The following MBD2 variants were observed in gnomAD, a reference collection of about 807,000 sequenced individuals.
MBD2 encodes the protein methyl-CpG-binding domain protein 2.
A neutral mutation model predicts 39.3 loss-of-function variants in MBD2; 9 were observed. That is an observed-to-expected ratio of 0.23 (90% confidence interval 0.14 to 0.40). The LOEUF (loss-of-function observed/expected upper bound fraction) is 0.40, where lower values mean the gene tolerates loss of function less well. Ranked by LOEUF, MBD2 falls within the 10% of genes least tolerant of loss-of-function variation. The pLI, the probability that MBD2 is intolerant of heterozygous loss-of-function variation, is 1.00. For missense variants in MBD2, 458 were observed against 532.6 expected, an observed-to-expected ratio of 0.86 and a Z score of 1.38; for synonymous variants, 233 against 211.1, an observed-to-expected ratio of 1.10 and a Z score of -0.90.
At chr18:54,206,184 T>C (rs1251602065) in intron 1 of MBD2, among the ~76,000 whole-genome samples, 1 of 152,214 alleles carries the variant, frequency 6.6e-6, no homozygotes, top group Non-Finnish European at 1.5e-5. Flanking sequence ...GGGAAGCATA[T>C]GAAGAATAAT....
chr18:54,213,596 G>A (rs2086529506), intron 1 of MBD2, among the ~76,000 whole-genome samples: 1 of 151,996 alleles, frequency 6.6e-6, no homozygotes, highest in South Asian at 2.1e-4. Flanking sequence ...TCTGAGAAAG[G>A]AAAAAAGAAA....
At chr18:54,219,130 C>T (rs2086587358) in intron 1 of MBD2, among the ~76,000 whole-genome samples, 1 of 152,180 alleles carries the variant, frequency 6.6e-6, no homozygotes, top group Admixed American at 6.5e-5. Context: ...AATTCAAATG[C>T]CGATTTCTCA....
At chr18:54,197,058 C>T (rs371653623) in intron 2 of MBD2, among the ~76,000 whole-genome samples, 41 of 152,248 alleles carry the variant, frequency 2.7e-4, no homozygotes, top group Middle Eastern at 6.8e-3. Flanking sequence ...TTTCTGTATA[C>T]GAGAAAATTA....
chr18:54,188,146 C>T (rs2086296704), intron 3 of MBD2, among the ~76,000 whole-genome samples: 1 of 151,658 alleles, frequency 6.6e-6, no homozygotes, highest in South Asian at 2.1e-4. Context: ...ACTCCCTCAC[C>T]CCAATTGCTA....
rs543659837 is a variant in MBD2, at chr18:54,156,328, T to C, written c.*13-1017A>G. ...TCTCAAGTTGGGAAGATAACATAAA[T>C]AATTTGAATCTCTCCCTACCTAACA... On this transcript the variant is annotated intron_variant, in intron 6 of 6. Transcript: ENST00000256429. 4.6e-5 allele frequency among the ~76,000 whole-genome samples: 7 copies of C among 152,324 alleles called. No homozygotes were observed. In the South Asian group the frequency reaches 8.3e-4, roughly 18 times the overall value.
Position 54,224,578 on chromosome 18 carries a change from G to T in MBD2, c.-19C>A. Reference sequence around the variant, plus strand: ...CGCGCATCCAGCCCCCTCCCCAGCCGGCGCTGCGCTTCTTCCGTAACCGAG... The same window carrying T: ...CGCGCATCCAGCCCCCTCCCCAGCCTGCGCTGCGCTTCTTCCGTAACCGAG... On this transcript the variant is annotated 5_prime_UTR_variant, in exon 1 of 7. Transcript: ENST00000256429. The T allele has an allele frequency of 8.3e-6, 10 of 1,209,546 alleles. No individual in the cohort carries two copies. Among genetic ancestry groups the T allele is most frequent in the Non-Finnish European group, 1.0e-5 (10 of 972,442 alleles). 74.9% of individuals were successfully genotyped at this position (1,209,546 alleles called of 1,614,324 possible).
At chr18:54,171,184 CT>C in intron 3 of MBD2, among the ~76,000 whole-genome samples, 1 of 151,988 alleles carries the variant, frequency 6.6e-6, no homozygotes, top group East Asian at 1.9e-4. Flanking sequence ...GGCAGATCAT[CT>C]GAGGTCAGGA....
In MBD2 at chr18:54,224,427, G is replaced by A. The variant is rs2144363704; in HGVS notation, c.133C>T (p.Pro45Ser). The change falls in exon 1 of 7, where the codon CCG (proline) becomes TCG (serine). Residue 45 changes from proline (P) to serine (S), a missense_variant. Pro to Ser is a moderately conservative substitution (Grantham distance 74, BLOSUM62 -1). Transcript: ENST00000256429. ...CCTTCCCTGCGCACGCCGCTCACCG[G>A]GGACGGGGCGAGCGCGCTGCCCTGG... is the stretch of plus-strand genomic sequence containing the variant. Reference protein sequence around the residue: ...GGQGSALAPSPVSGVRREGAR... With the variant: ...GGQGSALAPSSVSGVRREGAR... 6 of 1,242,074 alleles carry A rather than the reference G, an allele frequency of 4.8e-6. No homozygotes were observed. The highest frequency in any genetic ancestry group is 6.0e-6 in the Non-Finnish European group (6 of 996,226). 76.9% of individuals were successfully genotyped at this position (1,242,074 alleles called of 1,614,324 possible).
Position 54,164,458 on chromosome 18 carries a change from G to A in MBD2, c.1109+65C>T, listed in dbSNP as rs2086116472. ...TACTAGATATGCCACTGAACCTAAT[G>A]AACAGTAAAAAATTTACCCAAACGT... On this transcript the variant is annotated intron_variant, in intron 5 of 6. Coordinates refer to ENST00000256429, the MANE Select transcript of MBD2 (RefSeq NM_003927.5). 6.2e-6 allele frequency: 9 copies of A among 1,449,848 alleles called. No homozygotes were observed. The South Asian group carries it at 9.6e-5, about 16-fold the overall frequency. 89.8% of individuals were successfully genotyped at this position (1,449,848 alleles called of 1,614,324 possible).
intron 2 of MBD2, among the ~76,000 whole-genome samples, chr18:54,200,568 G>C (rs954865752): frequency 1.3e-5 from 2 of 152,084 alleles, no homozygotes; most frequent in African/African-American, 4.8e-5. Context: ...CCAGTTCCCT[G>C]CTAAAAATGT....
At chr18:54,218,890 A>T (rs2086584699) in intron 1 of MBD2, among the ~76,000 whole-genome samples, 1 of 151,274 alleles carries the variant, frequency 6.6e-6, no homozygotes, top group African/African-American at 2.4e-5. Flanking sequence ...TGAACCCAGG[A>T]GGCGGAGGTT....
intron 3 of MBD2, among the ~76,000 whole-genome samples, chr18:54,172,917 C>T (rs2086188324): frequency 1.3e-5 from 2 of 152,246 alleles, no homozygotes; most frequent in Admixed American, 6.5e-5. Flanking sequence ...GTTATAAACA[C>T]TTGAACATGC....
At chr18:54,184,135 C>CA (rs879737669) in intron 3 of MBD2, among the ~76,000 whole-genome samples, 4 of 149,736 alleles carry the variant, frequency 2.7e-5, no homozygotes, top group African/African-American at 4.9e-5. Context: ...TCCCCCCACC[C>CA]AAAAAAAAAG....
intron 2 of MBD2, among the ~76,000 whole-genome samples, chr18:54,197,745 TATCATCATCAAAATC>T (rs1159085515): frequency 1.3e-5 from 2 of 152,056 alleles, no homozygotes; most frequent in African/African-American, 2.4e-5. Flanking sequence ...AGATCATCAT[TATCATCATCAAAATC>T]ATCATCATCA....
chr18:54,201,569 A>G (rs1320980541), intron 2 of MBD2, among the ~76,000 whole-genome samples: 1 of 152,202 alleles, frequency 6.6e-6, no homozygotes, highest in Non-Finnish European at 1.5e-5. Context: ...GTTCTTAAAA[A>G]GATATCTTTC....
chr18:54,184,001 A>T (rs1275389784), intron 3 of MBD2, among the ~76,000 whole-genome samples: 1 of 152,008 alleles, frequency 6.6e-6, no homozygotes. Context: ...CTCCCTAGTT[A>T]AAAAAGCTCT....
chr18:54,189,020 A>G lies in MBD2; in HGVS notation c.703-9T>C. ...TTCAAGTCTGGTTTACCCTGTGAATATAAATGTATTTTTATTTAAAATATT... is the reference window on the plus strand; with the variant it reads ...TTCAAGTCTGGTTTACCCTGTGAATGTAAATGTATTTTTATTTAAAATATT... On this transcript the variant is annotated splice_polypyrimidine_tract_variant and intron_variant, in intron 2 of 6. Transcript: ENST00000256429. 6.4e-7 allele frequency: 1 copy of G among 1,554,326 alleles called. No individual in the cohort carries two copies. Among genetic ancestry groups the G allele is most frequent in the Non-Finnish European group, 8.7e-7 (1 of 1,143,632 alleles).
chr18:54,224,089 G>C lies in MBD2; in HGVS notation c.471C>G (p.Pro157=), dbSNP rs759118166. The change falls in exon 1 of 7, where the codon CCC becomes CCG. Residue 157 remains proline, a synonymous_variant. Transcript: ENST00000256429. ...GKRMDCPALP[P]GWKKEEVIRK... is the part of the protein sequence containing the mutation. ...GGATCACTTCCTCCTTCTTCCATCC[G>C]GGGGGGAGGGCCGGGCAATCCATCC... The C allele has an allele frequency of 1.1e-5, 17 of 1,579,804 alleles. No individual in the cohort carries two copies. The highest frequency in any genetic ancestry group is 1.5e-5 in the Non-Finnish European group (17 of 1,164,646).
intron 1 of MBD2, among the ~76,000 whole-genome samples, chr18:54,212,032 AT>A (rs1396246159): frequency 6.6e-6 from 1 of 151,540 alleles, no homozygotes; most frequent in Non-Finnish European, 1.5e-5. Context: ...ATTTTTTTCT[AT>A]TTTTAGTAGA....
Sources: allele counts gnomAD v4.1 joint callset (sites outside exome capture counted in the v4.1 genomes callset), GRCh38; gene constraint gnomAD v4.1.1; transcripts MANE v1.5; gene names NCBI Gene and HGNC (gene_info 2026-07-23, HGNC 2026-07-21).